The following ME1 variants were observed in gnomAD, a reference collection of about 807,000 sequenced individuals.
The protein encoded by ME1 is malic enzyme 1.
Under a neutral mutation model 66.4 loss-of-function variants are expected in ME1, and 74 were observed. That is an observed-to-expected ratio of 1.11 (90% confidence interval 0.92 to 1.35). The LOEUF is 1.35. Ranked by LOEUF, ME1 falls within the 40% of genes most tolerant of loss-of-function variation. The pLI is 0.00. For missense variants in ME1, 750 were observed against 694.1 expected, an observed-to-expected ratio of 1.08 and a Z score of -0.90; for synonymous variants, 251 against 235.6, an observed-to-expected ratio of 1.07 and a Z score of -0.60.
Position 83,237,698 on chromosome 6 carries a change from A to C in ME1, c.1026+19T>G. On this transcript the variant is annotated intron_variant, in intron 9 of 13. Coordinates refer to ENST00000369705, the MANE Select transcript of ME1 (RefSeq NM_002395.6). Reference sequence around the variant, plus strand: ...TGGCATAGTTATCTTTATTCTGGTTAAAAATGACAAATTCTTACCTTAACT... The same window carrying C: ...TGGCATAGTTATCTTTATTCTGGTTCAAAATGACAAATTCTTACCTTAACT... 2 of 1,454,028 alleles carry C rather than the reference A, an allele frequency of 1.4e-6. No individual in the cohort carries two copies. The highest frequency in any genetic ancestry group is 4.6e-5 in the East Asian group (2 of 43,626). 90.1% of individuals were successfully genotyped at this position (1,454,028 alleles called of 1,614,324 possible).
At chr6:83,353,765 G>A (rs1768840616) in intron 3 of ME1, among the ~76,000 whole-genome samples, 1 of 152,060 alleles carries the variant, frequency 6.6e-6, no homozygotes, top group Non-Finnish European at 1.5e-5. Context: ...TAGATTCCTT[G>A]CTCTGTTATG....
intron 6 of ME1, among the ~76,000 whole-genome samples, chr6:83,307,969 A>G (rs1173033369): frequency 6.6e-6 from 1 of 152,176 alleles, no homozygotes; most frequent in Non-Finnish European, 1.5e-5. Flanking sequence ...ACTATTACCA[A>G]CTTGATAGTA....
intron 3 of ME1, among the ~76,000 whole-genome samples, chr6:83,364,362 A>G (rs898876141): frequency 6.6e-5 from 10 of 152,048 alleles, no homozygotes; most frequent in African/African-American, 2.4e-4. Context: ...GGACCTTGTG[A>G]TTGTGTGAGT....
intron 2 of ME1, among the ~76,000 whole-genome samples, chr6:83,403,537 G>C (rs1769874996): frequency 6.6e-6 from 1 of 151,982 alleles, no homozygotes; most frequent in African/African-American, 2.4e-5. Flanking sequence ...TGCAGAATGT[G>C]AGGTTTGTTA....
At chr6:83,285,623 G>A (rs1293110210) in intron 6 of ME1, among the ~76,000 whole-genome samples, 2 of 152,162 alleles carry the variant, frequency 1.3e-5, no homozygotes, top group African/African-American at 4.8e-5. Context: ...AGAGGAGACA[G>A]GGATAAAGAA....
intron 2 of ME1, among the ~76,000 whole-genome samples, chr6:83,400,660 C>A (rs949608421): frequency 6.6e-6 from 1 of 152,152 alleles, no homozygotes; most frequent in Non-Finnish European, 1.5e-5. Flanking sequence ...AAAAGCCATC[C>A]CAGCCTACAT....
chr6:83,224,269 G>T (rs1790145615), intron 11 of ME1, among the ~76,000 whole-genome samples: 1 of 152,078 alleles, frequency 6.6e-6, no homozygotes, highest in African/African-American at 2.4e-5. Context: ...GACATCTGAA[G>T]ATAAAAAATG....
At chr6:83,340,172 T>G (rs1039062307) in intron 5 of ME1, among the ~76,000 whole-genome samples, 7 of 152,162 alleles carry the variant, frequency 4.6e-5, no homozygotes, top group Non-Finnish European at 8.8e-5. Context: ...ATTTTTTAGT[T>G]GGTTTTCTTG....
At chr6:83,325,011 CCACCATGAT>C (rs1253797297) in intron 5 of ME1, among the ~76,000 whole-genome samples, 1 of 152,032 alleles carries the variant, frequency 6.6e-6, no homozygotes, top group Non-Finnish European at 1.5e-5. Context: ...CAAAACTTAT[CCACCATGAT>C]CAAGTGGGCT....
At chr6:83,342,315 G>A (rs570892417) in intron 5 of ME1, among the ~76,000 whole-genome samples, 22 of 152,140 alleles carry the variant, frequency 1.4e-4, no homozygotes, top group Non-Finnish European at 2.5e-4. Context: ...CTTTCCTTGC[G>A]TTGTGTGTTT....
intron 6 of ME1, among the ~76,000 whole-genome samples, chr6:83,268,062 A>G (rs1767020144): frequency 1.3e-5 from 2 of 152,164 alleles, no homozygotes; most frequent in African/African-American, 2.4e-5. Context: ...TACATTCTAT[A>G]TGTTCTAAAT....
chr6:83,282,604 G>T (rs1767319112), intron 6 of ME1, among the ~76,000 whole-genome samples: 1 of 152,158 alleles, frequency 6.6e-6, no homozygotes, highest in Non-Finnish European at 1.5e-5. Context: ...AAAAAGTCAG[G>T]AAATAGCAGA....
At chr6:83,343,888 A>G (rs1401424114) in intron 5 of ME1, among the ~76,000 whole-genome samples, 4 of 152,244 alleles carry the variant, frequency 2.6e-5, no homozygotes, top group Non-Finnish European at 4.4e-5. Flanking sequence ...CATGAAATCA[A>G]TTCTTTCATA....
chr6:83,329,201 T>C (rs1145900), intron 5 of ME1, among the ~76,000 whole-genome samples: 38,573 of 152,056 alleles, frequency 0.25, 5,580 homozygotes, highest in Middle Eastern at 0.46. Context: ...AAAAGTAAAA[T>C]TAAAACCAAA....
intron 3 of ME1, among the ~76,000 whole-genome samples, chr6:83,364,540 C>T (rs1410371654): frequency 2.0e-5 from 3 of 152,156 alleles, no homozygotes; most frequent in Non-Finnish European, 4.4e-5. Flanking sequence ...AGCAATTTTT[C>T]TAAGCAGTTC....
intron 3 of ME1, among the ~76,000 whole-genome samples, chr6:83,361,572 T>A (rs1769007440): frequency 6.6e-6 from 1 of 152,248 alleles, no homozygotes; most frequent in Admixed American, 6.5e-5. Flanking sequence ...GGATGCTGTT[T>A]GGAGCCTTTG....
At chr6:83,365,461 A>G (rs1769086172) in intron 3 of ME1, among the ~76,000 whole-genome samples, 1 of 152,200 alleles carries the variant, frequency 6.6e-6, no homozygotes, top group Non-Finnish European at 1.5e-5. Context: ...CCTTTCAATG[A>G]GAAAATGAAA....
At chr6:83,307,963 T>C (rs1767856738) in intron 6 of ME1, among the ~76,000 whole-genome samples, 1 of 152,176 alleles carries the variant, frequency 6.6e-6, no homozygotes, top group Non-Finnish European at 1.5e-5. Context: ...TCAAGGACTA[T>C]TACCAACTTG....
intron 6 of ME1, among the ~76,000 whole-genome samples, chr6:83,314,605 AT>A (rs1225866709): frequency 6.6e-6 from 1 of 152,180 alleles, no homozygotes; most frequent in African/African-American, 2.4e-5. Context: ...CCTTTAGGCT[AT>A]GTGTATATGA....
Sources: allele counts gnomAD v4.1 joint callset (sites outside exome capture counted in the v4.1 genomes callset), GRCh38; gene constraint gnomAD v4.1.1; transcripts MANE v1.5; gene names NCBI Gene and HGNC (gene_info 2026-07-23, HGNC 2026-07-21).